MYO3B: variants seen among roughly 807,000 people sequenced by gnomAD.
The protein encoded by MYO3B is myosin-IIIb.
A neutral mutation model predicts 174.6 loss-of-function variants in MYO3B; 156 were observed. That is an observed-to-expected ratio of 0.89 (90% CI 0.78 to 1.02). The LOEUF (loss-of-function observed/expected upper bound fraction) is 1.02. Among genes scored for constraint, MYO3B ranks in the 50% least tolerant of loss-of-function variants. MYO3B has a pLI of 0.00. For synonymous variants in MYO3B, 563 were observed against 569.1 expected (o/e 0.99, Z 0.15); for missense variants, 1,632 against 1,639.4 (o/e 1.00, Z 0.08).
chr2:170,414,369 A>G (rs893776610), intron 22 of MYO3B, among the ~76,000 whole-genome samples: 2 of 152,012 alleles, frequency 1.3e-5, no homozygotes, highest in Non-Finnish European at 2.9e-5. Context: ...TTGCATTTTT[A>G]GTAGAGATGG....
At chr2:170,585,850 G>A (rs967244704) in intron 32 of MYO3B, among the ~76,000 whole-genome samples, 7 of 152,058 alleles carry the variant, frequency 4.6e-5, no homozygotes, top group South Asian at 2.1e-4. Flanking sequence ...CCAGGAGTTC[G>A]AGACTGACCT....
intron 1 of MYO3B, among the ~76,000 whole-genome samples, chr2:170,198,630 A>C (rs973230446): frequency 1.3e-5 from 2 of 152,216 alleles, no homozygotes; most frequent in Admixed American, 6.5e-5. Context: ...GTAAGCAAGA[A>C]GTAGATTGGG....
chr2:170,395,663 G>A (rs1359544071), intron 16 of MYO3B, among the ~76,000 whole-genome samples: 4 of 152,164 alleles, frequency 2.6e-5, no homozygotes, highest in East Asian at 1.9e-4. Context: ...AAAGGAGACC[G>A]AGAAGTGTTG....
In MYO3B at chr2:170,383,129, T is replaced by C. The variant is rs1222147743; in HGVS notation, c.1125T>C (p.Tyr375=). The change falls in exon 11 of 35, where the codon TAT becomes TAC. Residue 375 remains tyrosine (Y), a synonymous_variant. Transcript: ENST00000408978. ...KRYADLLIYT[Y]VGDILIALNP... is the part of the protein sequence containing the mutation. ...ATGCAGACTTGCTAATTTACACATA[T>C]GTTGGAGACATCTTAATTGCCTTAA... 3.7e-6 allele frequency: 6 copies of C among 1,613,420 alleles called. No homozygotes were observed. The highest frequency in any genetic ancestry group is 1.1e-5 in the South Asian group (1 of 91,048).
intron 1 of MYO3B, among the ~76,000 whole-genome samples, chr2:170,193,168 G>A (rs1240930205): frequency 6.6e-6 from 1 of 151,656 alleles, no homozygotes; most frequent in African/African-American, 2.4e-5. Context: ...TTGACATATT[G>A]TTTTTGATAC....
At chr2:170,389,858 T>C (rs1297941686) in intron 14 of MYO3B, among the ~76,000 whole-genome samples, 2 of 152,168 alleles carry the variant, frequency 1.3e-5, no homozygotes, top group Non-Finnish European at 2.9e-5. Context: ...ATATATAATA[T>C]TTAAGCTTAC....
At position 170,405,595 on chromosome 2, in the gene MYO3B, G is replaced by A. The variant is rs767349004; in HGVS notation, c.2482G>A (p.Val828Met). The change falls in exon 21 of 35, where the codon GTG (valine) becomes ATG (methionine). Residue 828 changes from valine to methionine, a missense_variant. Transcript: ENST00000408978. ...RCKYFWRPKGVELCFGIQHYA... is the reference protein window; with the variant it reads ...RCKYFWRPKGMELCFGIQHYA... ...CAAATACTTCTGGAGGCCCAAAGGA[G>A]TGGAACTGTGCTTTGGCATTCAGCA... 1.9e-6 allele frequency: 3 copies of A among 1,614,200 alleles called. No homozygotes were observed. Among genetic ancestry groups the A allele is most frequent in the Non-Finnish European group, 2.5e-6 (3 of 1,180,014 alleles).
chr2:170,419,932 C>T (rs1485955987), intron 22 of MYO3B, among the ~76,000 whole-genome samples: 1 of 152,198 alleles, frequency 6.6e-6, no homozygotes, highest in Admixed American at 6.5e-5. Flanking sequence ...CGCCTGTCAT[C>T]CCAGCACTTT....
intron 25 of MYO3B, among the ~76,000 whole-genome samples, chr2:170,496,999 T>C (rs1241328541): frequency 2.6e-5 from 4 of 152,232 alleles, no homozygotes; most frequent in Non-Finnish European, 5.9e-5. Context: ...AAAAACCCTT[T>C]TGGTAACGAT....
chr2:170,277,504 T>G (rs963321733), intron 7 of MYO3B, among the ~76,000 whole-genome samples: 1 of 152,186 alleles, frequency 6.6e-6, no homozygotes, highest in African/African-American at 2.4e-5. Flanking sequence ...TGAGTGTGAT[T>G]GCACAAAGAA....
intron 32 of MYO3B, among the ~76,000 whole-genome samples, chr2:170,546,883 G>A (rs1299492394): frequency 2.6e-5 from 4 of 152,110 alleles, no homozygotes; most frequent in African/African-American, 7.2e-5. Context: ...GCCTAACTTC[G>A]TTATTCTATG....
At chr2:170,527,319 G>A (rs1689066804) in intron 30 of MYO3B, among the ~76,000 whole-genome samples, 1 of 152,196 alleles carries the variant, frequency 6.6e-6, no homozygotes, top group Non-Finnish European at 1.5e-5. Flanking sequence ...TACACAAAAT[G>A]TTTTGTTGTT....
Position 170,654,647 on chromosome 2 carries a change from C to CCAA in MYO3B, c.*1526_*1527insCAA, listed in dbSNP as rs1699188927. On this transcript the variant is annotated 3_prime_UTR_variant, in exon 35 of 35. Transcript: ENST00000408978. ...TGGGCGACAGGGCAAGACTCTGTCT[C>CCAA]AAAAAAAAAAAAAAAAAAAAAAAAA... 1 of 46,270 alleles carries CCAA rather than the reference C, an allele frequency of 2.2e-5. No homozygotes were observed. Among genetic ancestry groups the CCAA allele is most frequent in the African/African-American group, 7.2e-5 (1 of 13,828 alleles). The allele number at this position is 46,270 out of a possible 1,614,324, so 2.9% of individuals were successfully genotyped here.
chr2:170,320,829 A>G (rs2093820544), intron 7 of MYO3B, among the ~76,000 whole-genome samples: 1 of 152,188 alleles, frequency 6.6e-6, no homozygotes, highest in South Asian at 2.1e-4. Flanking sequence ...AAAAGTCCTT[A>G]CCACCTAGGT....
chr2:170,480,792 G>A (rs1374080946), intron 25 of MYO3B, among the ~76,000 whole-genome samples: 1 of 152,200 alleles, frequency 6.6e-6, no homozygotes, highest in Non-Finnish European at 1.5e-5. Context: ...CACACATTTG[G>A]TCATAGAAGT....
chr2:170,356,924 T>C (rs976523160), intron 8 of MYO3B, among the ~76,000 whole-genome samples: 2 of 151,778 alleles, frequency 1.3e-5, no homozygotes, highest in Admixed American at 6.6e-5. Flanking sequence ...ACCATAGGTA[T>C]GCACCACCAC....
intron 32 of MYO3B, among the ~76,000 whole-genome samples, chr2:170,562,477 G>A (rs913020730): frequency 3.3e-5 from 5 of 152,006 alleles, no homozygotes; most frequent in Admixed American, 1.3e-4. Flanking sequence ...CCCAAAAGCC[G>A]ACAAAACCCA....
intron 7 of MYO3B, among the ~76,000 whole-genome samples, chr2:170,271,780 C>T (rs1490867604): frequency 6.6e-6 from 1 of 152,184 alleles, no homozygotes; most frequent in Non-Finnish European, 1.5e-5. Context: ...GCCAAATTTA[C>T]TGAATTCTTC....
chr2:170,385,845 T>C (rs2094370178), intron 12 of MYO3B: 1 of 168,722 alleles, frequency 5.9e-6, no homozygotes, highest in Non-Finnish European at 1.3e-5. Flanking sequence ...TACCTTTTGA[T>C]CCAACATCCC....
Sources: gnomAD v4.1 joint callset for allele counts (sites outside exome capture counted in the v4.1 genomes callset) on GRCh38, gnomAD v4.1.1 for gene constraint, MANE v1.5 for transcripts, NCBI Gene and HGNC (gene_info 2026-07-23, HGNC 2026-07-21) for gene names.